The following SCN11A variants were observed in gnomAD, a reference collection of about 807,000 sequenced individuals.
SCN11A encodes the protein sodium channel protein type 11 subunit alpha.
SCN11A carries 122 observed loss-of-function variants against 162.2 expected under a neutral mutation model. That is an observed-to-expected ratio of 0.75 (90% confidence interval 0.65 to 0.87). The LOEUF (loss-of-function observed/expected upper bound fraction) is 0.87, where lower values mean the gene tolerates loss of function less well. Among genes scored for constraint, SCN11A ranks in the 40% least tolerant of loss-of-function variants. SCN11A has a pLI of 0.00. For missense variants in SCN11A, 2,015 were observed against 2,181.6 expected, an observed-to-expected ratio of 0.92 and a Z score of 1.52; for synonymous variants, 758 against 751.5, an observed-to-expected ratio of 1.01 and a Z score of -0.14.
intron 2 of SCN11A, among the ~76,000 whole-genome samples, chr3:38,987,303 T>TCTCACACA (rs1371432177): frequency 6.7e-5 from 7 of 104,400 alleles, no homozygotes; most frequent in South Asian, 3.4e-4. Flanking sequence ...TCTCTCTCTC[T>TCTCACACA]CACACACACA....
chr3:38,863,447 C>G (rs190766477), intron 27 of SCN11A, 148 bp from the exon 28 acceptor site: 1 of 544,818 alleles, frequency 1.8e-6, no homozygotes. Context: ...TGGACCATAG[C>G]GAAATGCTGT....
intron 19 of SCN11A, 152 bp from the exon 20 acceptor site, chr3:38,886,390 AAAACTC>A: frequency 2.1e-6 from 1 of 484,420 alleles, no homozygotes; most frequent in Non-Finnish European, 3.7e-6. Context: ...TGCTCCTGGA[AAAACTC>A]AACATAATAT....
intron 2 of SCN11A, among the ~76,000 whole-genome samples, chr3:39,001,675 T>C (rs1575353955): frequency 6.6e-6 from 1 of 152,098 alleles, no homozygotes; most frequent in South Asian, 2.1e-4. Context: ...TTCTTTTCTA[T>C]GTAGCTATCT....
chr3:39,002,656 GC>G (rs376185564), intron 2 of SCN11A, among the ~76,000 whole-genome samples: 1 of 152,306 alleles, frequency 6.6e-6, no homozygotes, highest in East Asian at 1.9e-4. Context: ...ATGTGGCTTT[GC>G]AGTTTCTAGC....
chr3:38,890,594 A>G (rs1386881987), intron 19 of SCN11A, among the ~76,000 whole-genome samples: 2 of 152,272 alleles, frequency 1.3e-5, no homozygotes, highest in Non-Finnish European at 1.5e-5. Flanking sequence ...CCTGAATTTA[A>G]TTGAATCAGA....
chr3:38,900,053 T>A lies in SCN11A; in HGVS notation c.1863A>T (p.Ile621=). The part of the protein sequence containing the change: ...IGNLVFTSIF[I]AEMCLKIIAL... ...CAATGATTTTTAGGCACATTTCTGC[T>A]ATAAAAATGCTAGTGAAAACCTAGA... The change falls in exon 17 of 30, where the codon ATA becomes ATT. Residue 621 remains isoleucine (I), a synonymous_variant. Coordinates refer to ENST00000302328, the MANE Select transcript of SCN11A (RefSeq NM_001349253.2). The A allele has an allele frequency of 6.2e-7, 1 of 1,613,942 alleles. No individual in the cohort carries two copies. The highest frequency in any genetic ancestry group is 1.1e-5 in the South Asian group (1 of 91,058).
At chr3:38,867,224 G>T (rs1463404520) in intron 27 of SCN11A, 97 bp downstream of exon 27, 3 of 1,184,444 alleles carry the variant, frequency 2.5e-6, no homozygotes, top group Non-Finnish European at 2.4e-6. Context: ...GATCATAAAG[G>T]CTACTTTGTA....
At chr3:38,858,228 A>C (rs1301404931) in intron 28 of SCN11A, among the ~76,000 whole-genome samples, 3 of 152,158 alleles carry the variant, frequency 2.0e-5, no homozygotes, top group Non-Finnish European at 2.9e-5. Context: ...AAAGACATAG[A>C]ATTGTAGAAT....
intron 28 of SCN11A, among the ~76,000 whole-genome samples, chr3:38,861,654 C>G (rs1379072589): frequency 6.6e-6 from 1 of 151,970 alleles, no homozygotes. Context: ...GACACCCTAT[C>G]CCACAAATTG....
At chr3:38,897,889 C>A (rs1017481672) in intron 17 of SCN11A, among the ~76,000 whole-genome samples, 1 of 152,068 alleles carries the variant, frequency 6.6e-6, no homozygotes, top group African/African-American at 2.4e-5. Context: ...CAGTCCATTG[C>A]CTATTTTTGT....
At chr3:38,922,740 C>A (rs777391391) in intron 9 of SCN11A, among the ~76,000 whole-genome samples, 2 of 152,122 alleles carry the variant, frequency 1.3e-5, no homozygotes, top group African/African-American at 2.4e-5. Context: ...CTCTGACTAC[C>A]AGTTTCTTTA....
At chr3:38,982,011 CAA>C (rs34151284) in intron 2 of SCN11A, among the ~76,000 whole-genome samples, 1 of 102,942 alleles carries the variant, frequency 9.7e-6, no homozygotes, top group Non-Finnish European at 2.1e-5. Context: ...GACTCTGTCT[CAA>C]AAAAAAAAAA....
intron 7 of SCN11A, among the ~76,000 whole-genome samples, chr3:38,930,680 G>A (rs1213200658): frequency 6.6e-6 from 1 of 152,128 alleles, no homozygotes; most frequent in African/African-American, 2.4e-5. Context: ...GCTGAAGCCT[G>A]ACCATTGATG....
At chr3:38,992,225 C>T (rs540415251) in intron 2 of SCN11A, among the ~76,000 whole-genome samples, 1 of 152,314 alleles carries the variant, frequency 6.6e-6, no homozygotes, top group African/African-American at 2.4e-5. Context: ...TATATTCTAA[C>T]AGTGAAGCTT....
intron 22 of SCN11A, among the ~76,000 whole-genome samples, chr3:38,882,369 C>T (rs1051726627): frequency 6.6e-6 from 1 of 152,084 alleles, no homozygotes; most frequent in African/African-American, 2.4e-5. Flanking sequence ...CAGGGGAGAA[C>T]CCAAGGCTCC....
chr3:38,847,194 A>G lies in SCN11A; in HGVS notation c.4876T>C (p.Phe1626Leu), dbSNP rs1269070964. 1.9e-6 allele frequency: 3 copies of G among 1,614,144 alleles called. No individual in the cohort carries two copies. The highest frequency in any genetic ancestry group is 2.5e-6 in the Non-Finnish European group (3 of 1,179,994). ...TCAAACTTTTCCCACACTTCATAAA[A>G]TATGTCAAAGTCATCTTCACCCAAA... ...DPLGEDDFDIFYEVWEKFDPE... is the reference protein window; with the variant it reads ...DPLGEDDFDILYEVWEKFDPE... The change falls in exon 30 of 30, where the codon TTT becomes CTT. Residue 1626 changes from phenylalanine (F) to leucine (L), a missense_variant. Transcript: ENST00000302328.
In SCN11A at chr3:38,908,961, C is replaced by T. The variant is rs539054585; in HGVS notation, c.1299+36G>A. ...GCCTCTGGGGACCCCTTCCCCTCCCCAGAGCAGATCCCACTGTCTGACCCC... is the reference window on the plus strand; with the variant it reads ...GCCTCTGGGGACCCCTTCCCCTCCCTAGAGCAGATCCCACTGTCTGACCCC... On this transcript the variant is annotated intron_variant, in intron 13 of 29. Coordinates refer to ENST00000302328, the MANE Select transcript of SCN11A (RefSeq NM_001349253.2). The T allele has an allele frequency of 1.5e-5, 24 of 1,602,506 alleles. No homozygotes were observed. In the East Asian group the frequency reaches 5.1e-4, roughly 34 times the overall value.
At chr3:39,024,042 C>G (rs1005732883) in intron 2 of SCN11A, among the ~76,000 whole-genome samples, 1 of 152,148 alleles carries the variant, frequency 6.6e-6, no homozygotes, top group African/African-American at 2.4e-5. Context: ...CTGTAGGGAC[C>G]AAAAGGTGTG....
intron 2 of SCN11A, among the ~76,000 whole-genome samples, chr3:39,029,934 T>C (rs2031705009): frequency 6.6e-6 from 1 of 152,252 alleles, no homozygotes; most frequent in South Asian, 2.1e-4. Flanking sequence ...TTCCAGCTTC[T>C]GTGGCAAGAT....
Sources: gnomAD v4.1 joint callset for allele counts (sites outside exome capture counted in the v4.1 genomes callset) on GRCh38, gnomAD v4.1.1 for gene constraint, MANE v1.5 for transcripts, NCBI Gene and HGNC (gene_info 2026-07-23, HGNC 2026-07-21) for gene names.